Variants in CNGA3 observed in about 807,000 individuals in gnomAD.
The protein encoded by CNGA3 is cyclic nucleotide gated channel subunit alpha 3, also known as cyclic nucleotide-gated channel alpha-3.
CNGA3 carries 42 observed loss-of-function variants against 46.6 expected under a neutral mutation model. The ratio of observed to expected loss-of-function variants is 0.90; its 90% CI spans 0.70 to 1.17. The LOEUF is 1.17. Among genes scored for constraint, CNGA3 ranks in the 50% most tolerant of loss-of-function variants. CNGA3 has a pLI of 0.00. For missense variants in CNGA3, 893 were observed against 890.7 expected (o/e 1.00, Z -0.03); for synonymous variants, 394 against 369.4 (o/e 1.07, Z -0.76).
intron 1 of CNGA3, among the ~76,000 whole-genome samples, chr2:98,359,284 G>A (rs1428683356): frequency 1.3e-5 from 2 of 152,170 alleles, no homozygotes; most frequent in African/African-American, 2.4e-5. Context: ...GTATCAGAAC[G>A]GTGATGTGGT....
intron 4 of CNGA3, 122 bp from the exon 5 acceptor site, chr2:98,383,266 T>C (rs1296929030): frequency 2.1e-6 from 2 of 931,086 alleles, no homozygotes; most frequent in African/African-American, 3.3e-5. Flanking sequence ...AAGCTGTGAG[T>C]GCAAAGGCTG....
At chr2:98,362,704 T>G (rs1006080658) in intron 1 of CNGA3, among the ~76,000 whole-genome samples, 3 of 152,238 alleles carry the variant, frequency 2.0e-5, no homozygotes, top group African/African-American at 7.2e-5. Flanking sequence ...TTGCTTTTGA[T>G]GTTTTTGTCA....
At chr2:98,379,926 C>T (rs2104204379) in intron 3 of CNGA3, 1 of 577,572 alleles carries the variant, frequency 1.7e-6, no homozygotes, top group African/African-American at 1.9e-5. Context: ...GAGAGTGTCC[C>T]TTTCCGGGGA....
At chr2:98,378,046 G>T (rs748286931) in intron 3 of CNGA3, 2 of 1,549,094 alleles carry the variant, frequency 1.3e-6, no homozygotes, top group African/African-American at 2.7e-5. Context: ...TGACATTGAG[G>T]TACTTGCTCA....
At chr2:98,388,217 G>C (rs1692700044) in intron 5 of CNGA3, among the ~76,000 whole-genome samples, 2 of 152,206 alleles carry the variant, frequency 1.3e-5, no homozygotes, top group South Asian at 4.1e-4. Context: ...CTTCCATTTG[G>C]TAATGTCCTT....
chr2:98,376,935 A>G (rs547715858), intron 2 of CNGA3, among the ~76,000 whole-genome samples: 1 of 152,302 alleles, frequency 6.6e-6, no homozygotes, highest in Middle Eastern at 3.4e-3. Flanking sequence ...TGGTGGTTGT[A>G]TGGAGTTACG....
chr2:98,349,175 T>G (rs1691715974), intron 1 of CNGA3, among the ~76,000 whole-genome samples: 1 of 151,978 alleles, frequency 6.6e-6, no homozygotes, highest in Admixed American at 6.6e-5. Flanking sequence ...AACCCGTCAC[T>G]CAGCCTTCAC....
intron 5 of CNGA3, among the ~76,000 whole-genome samples, chr2:98,388,143 C>G (rs1692695905): frequency 6.6e-6 from 1 of 152,310 alleles, no homozygotes; most frequent in Middle Eastern, 3.4e-3. Flanking sequence ...GCCACGCCCT[C>G]TCTTCAGGAC....
intron 2 of CNGA3, 36 bp from the exon 3 acceptor site, chr2:98,377,651 A>G: frequency 6.3e-7 from 1 of 1,581,042 alleles, no homozygotes; most frequent in South Asian, 1.1e-5. Flanking sequence ...GATGGGCTTG[A>G]AATCAATTCT....
At chr2:98,389,818 G>A (rs1467009875) in intron 6 of CNGA3, 44 bp downstream of exon 6, 1 of 1,532,720 alleles carries the variant, frequency 6.5e-7, no homozygotes, top group East Asian at 2.2e-5. Flanking sequence ...GGGGAAACCA[G>A]GGCACCAGGC....
rs542794603 is a variant in CNGA3 at position 98,362,728 on chromosome 2, C to T, written c.-37-7211C>T. On this transcript the variant is annotated intron_variant, in intron 1 of 7. Coordinates refer to ENST00000272602, the MANE Select transcript of CNGA3 (RefSeq NM_001298.3). Reference sequence around the variant, plus strand: ...ATGTTTTTGTCATGAAGCCTTTGCCCGTGCCTGTCTTGAATGGTATTGCGT... The same window carrying T: ...ATGTTTTTGTCATGAAGCCTTTGCCTGTGCCTGTCTTGAATGGTATTGCGT... Among the ~76,000 whole-genome samples, 180 of 152,116 alleles carry T rather than the reference C, an allele frequency of 1.2e-3. 1 individual carries two copies. The highest frequency in any genetic ancestry group is 1.7e-3 in the Non-Finnish European group (115 of 67,980).
At chr2:98,395,706 G>T in intron 7 of CNGA3, 138 bp from the exon 8 acceptor site, 1 of 712,828 alleles carries the variant, frequency 1.4e-6, no homozygotes. Context: ...GTAATGGTAA[G>T]TGTTGTTTTT....
At chr2:98,362,764 C>A (rs1168201270) in intron 1 of CNGA3, among the ~76,000 whole-genome samples, 1 of 152,156 alleles carries the variant, frequency 6.6e-6, no homozygotes, top group African/African-American at 2.4e-5. Flanking sequence ...ATATTTTCTT[C>A]TAGGGTTTTT....
intron 4 of CNGA3, 50 bp downstream of exon 4, chr2:98,380,404 C>T: frequency 1.3e-6 from 2 of 1,579,944 alleles, no homozygotes; most frequent in Non-Finnish European, 1.7e-6. Context: ...TGGGGCCAGG[C>T]AGGAAGCCTG....
intron 1 of CNGA3, among the ~76,000 whole-genome samples, chr2:98,346,747 C>A (rs1691633634): frequency 6.6e-6 from 1 of 152,110 alleles, no homozygotes; most frequent in Admixed American, 6.5e-5. Context: ...CGGCTACGGC[C>A]TCGGCTCCCA....
chr2:98,389,696 C>T lies in CNGA3; in HGVS notation c.488C>T (p.Pro163Leu), dbSNP rs104893612. ...AAGAAGGATGCGATCGTGGTGGACC[C>T]GTCCAGCAACCTGTACTACCGCTGG... ...TKKKDAIVVDPSSNLYYRWLT... is the reference protein window; with the variant it reads ...TKKKDAIVVDLSSNLYYRWLT... Residue 163 changes from proline to leucine, a missense_variant, in exon 6 of 8, where the codon CCG (proline) becomes CTG (leucine). Around this residue, in one of 3 missense-constraint regions of CNGA3, gnomAD observed 333 missense variants for 290.8 expected, o/e 1.15. Transcript: ENST00000272602. The T allele has an allele frequency of 9.9e-6, 16 of 1,613,734 alleles. No individual in the cohort carries two copies. Among genetic ancestry groups the T allele is most frequent in the East Asian group, 4.5e-5 (2 of 44,894 alleles).
rs116119236 is a variant in CNGA3, at chr2:98,357,585, T to C, written c.-38+11051T>C. Among the ~76,000 whole-genome samples the C allele has an allele frequency of 3.4e-3, 520 of 152,288 alleles. 1 individual carries two copies. Among genetic ancestry groups the C allele is most frequent in the Non-Finnish European group, 6.3e-3 (430 of 68,032 alleles). ...TCTCAATGGCAGAGATCTGTCTTCC[T>C]CATCTTCACAATTCTCAGGACCAGG... is the stretch of plus-strand genomic sequence containing the variant. On this transcript the variant is annotated intron_variant, in intron 1 of 7. Coordinates refer to ENST00000272602, the MANE Select transcript of CNGA3 (RefSeq NM_001298.3).
chr2:98,390,309 T>C (rs1692755892), intron 6 of CNGA3, among the ~76,000 whole-genome samples: 1 of 148,870 alleles, frequency 6.7e-6, no homozygotes, highest in Admixed American at 6.7e-5. Context: ...CTTTTATATA[T>C]ATATATGTAT....
intron 1 of CNGA3, among the ~76,000 whole-genome samples, chr2:98,346,777 C>G (rs1691634839): frequency 6.6e-6 from 1 of 152,020 alleles, no homozygotes; most frequent in Non-Finnish European, 1.5e-5. Context: ...TCCCATACCC[C>G]TCCAGTCCAG....
Sources: gnomAD v4.1 joint callset for allele counts (sites outside exome capture counted in the v4.1 genomes callset) on GRCh38, gnomAD v4.1.1 for gene constraint, gnomAD v4.1.1 regional missense constraint, MANE v1.5 for transcripts, NCBI Gene and HGNC (gene_info 2026-07-23, HGNC 2026-07-21) for gene names.